PCNT: variants seen among roughly 807,000 people sequenced by gnomAD.
The protein encoded by PCNT is pericentrin.
A neutral mutation model predicts 380.4 loss-of-function variants in PCNT; 319 were observed. The ratio of observed to expected loss-of-function variants is 0.84; its 90% confidence interval spans 0.77 to 0.92. The LOEUF (loss-of-function observed/expected upper bound fraction) is 0.92. Ranked by LOEUF, PCNT falls within the 40% of genes least tolerant of loss-of-function variation. The probability of loss-of-function intolerance (pLI) is 0.00; values close to 1 mark genes in which losing one functional copy is unlikely to be tolerated. For synonymous variants in PCNT, 1,845 were observed against 1,735.2 expected (o/e 1.06, Z -1.57); for missense variants, 4,400 against 4,255.3 (o/e 1.03, Z -0.95).
chr21:46,413,123 C>T (rs1458657676), intron 29 of PCNT, 131 bp downstream of exon 29: 5 of 395,090 alleles, frequency 1.3e-5, no homozygotes, highest in Non-Finnish European at 1.8e-5. Context: ...GTGTGGGGAG[C>T]GGGGAAGGCA....
chr21:46,443,679 T>G, intron 44 of PCNT, 131 bp from the exon 45 acceptor site: 1 of 911,394 alleles, frequency 1.1e-6, no homozygotes, highest in Non-Finnish European at 1.8e-6. Context: ...CTTGAGCACT[T>G]TAAAAATGTC....
chr21:46,391,569 T>A (rs1043984054), intron 21 of PCNT, among the ~76,000 whole-genome samples, 193 bp downstream of exon 21: 1 of 152,190 alleles, frequency 6.6e-6, no homozygotes, highest in Non-Finnish European at 1.5e-5. Flanking sequence ...TTGCTGCCCT[T>A]TCAGAGAAGG....
intron 21 of PCNT, among the ~76,000 whole-genome samples, chr21:46,394,142 ACCGG>A (rs2086129071): frequency 6.6e-6 from 1 of 152,148 alleles, no homozygotes; most frequent in South Asian, 2.1e-4. Flanking sequence ...TGCGCCAGCT[ACCGG>A]CCCTGACCAC....
intron 13 of PCNT, among the ~76,000 whole-genome samples, chr21:46,363,198 G>C (rs1422914078): frequency 6.6e-6 from 1 of 152,196 alleles, no homozygotes; most frequent in Non-Finnish European, 1.5e-5. Flanking sequence ...GATGTGTGCT[G>C]CCTTCGGTTG....
At chr21:46,429,016 G>T (rs1028213003) in intron 35 of PCNT, among the ~76,000 whole-genome samples, 3 of 152,194 alleles carry the variant, frequency 2.0e-5, no homozygotes, top group African/African-American at 4.8e-5. Flanking sequence ...CAGCTGTGTG[G>T]GCAGATGCCA....
chr21:46,325,972 A>G (rs1601732760), intron 1 of PCNT, among the ~76,000 whole-genome samples: 2 of 152,218 alleles, frequency 1.3e-5, no homozygotes, highest in East Asian at 3.8e-4. Context: ...TGGCTGGGCT[A>G]TATATTTCTT....
rs781636707 is a variant in PCNT, at chr21:46,440,072, C to A, written c.9274-11C>A. The stretch of plus-strand genomic sequence containing the variant: ...AGCTCTGTAGACAGCGCTGGCTGTG[C>A]TTCCTTACAGAGGTCGGAAAGGTCT... On this transcript the variant is annotated splice_polypyrimidine_tract_variant and intron_variant, in intron 41 of 46. Transcript: ENST00000359568. 1 of 1,613,852 alleles carries A rather than the reference C, an allele frequency of 6.2e-7. No homozygotes were observed.
chr21:46,430,351 C>A, intron 36 of PCNT, 119 bp downstream of exon 36: 1 of 1,371,112 alleles, frequency 7.3e-7, no homozygotes, highest in Non-Finnish European at 1.0e-6. Context: ...CCCAGGGGCA[C>A]CGCGCCCTGC....
chr21:46,442,896 C>T (rs527593263), intron 44 of PCNT: 4 of 391,522 alleles, frequency 1.0e-5, no homozygotes, highest in African/African-American at 2.1e-5. Context: ...CACTTCACGT[C>T]TCTTTCCTTG....
chr21:46,364,030 C>G, intron 14 of PCNT, 96 bp downstream of exon 14: 1 of 1,137,168 alleles, frequency 8.8e-7, no homozygotes, highest in South Asian at 1.3e-5. Context: ...GCTGTGGGCT[C>G]CACTGGGCGA....
chr21:46,361,872 C>T (rs955623877), intron 13 of PCNT, among the ~76,000 whole-genome samples: 1 of 152,156 alleles, frequency 6.6e-6, no homozygotes, highest in Non-Finnish European at 1.5e-5. Context: ...TCCTTCTCTG[C>T]AGATTTTATG....
chr21:46,366,268 C>T (rs74786998), intron 14 of PCNT, among the ~76,000 whole-genome samples: 3 of 152,100 alleles, frequency 2.0e-5, no homozygotes, highest in South Asian at 2.1e-4. Context: ...TTGTGCCTGC[C>T]GTGCGTGGCT....
intron 15 of PCNT, among the ~76,000 whole-genome samples, chr21:46,371,861 A>G (rs1188940511): frequency 2.0e-5 from 3 of 149,028 alleles, no homozygotes; most frequent in East Asian, 2.0e-4. Context: ...TGCACACAGC[A>G]TGTGTGCACA....
chr21:46,391,055 C>CT, intron 20 of PCNT, 109 bp from the exon 21 acceptor site: 1 of 1,226,380 alleles, frequency 8.2e-7, no homozygotes, highest in African/African-American at 1.5e-5. Context: ...GCTGCTGGCT[C>CT]TTAGCTCTGC....
intron 22 of PCNT, 134 bp downstream of exon 22, chr21:46,397,628 C>A: frequency 1.3e-6 from 1 of 765,048 alleles, no homozygotes. Context: ...TGCACAGGTG[C>A]ACCCAGGTCG....
intron 2 of PCNT, among the ~76,000 whole-genome samples, chr21:46,331,800 A>G (rs1324246711): frequency 6.6e-6 from 1 of 152,136 alleles, no homozygotes; most frequent in Non-Finnish European, 1.5e-5. Context: ...AAGCAATGGT[A>G]GAAAGCAGAA....
At chr21:46,378,118 T>G (rs564069297) in intron 15 of PCNT, among the ~76,000 whole-genome samples, 28 of 152,194 alleles carry the variant, frequency 1.8e-4, no homozygotes, top group Non-Finnish European at 3.5e-4. Context: ...TTTTTCACTT[T>G]AATTTCCTTG....
chr21:46,391,438 T>A, intron 21 of PCNT, 62 bp downstream of exon 21: 1 of 1,352,428 alleles, frequency 7.4e-7, no homozygotes, highest in Non-Finnish European at 1.0e-6. Flanking sequence ...GCTGCCACGG[T>A]TTCCCCAGCT....
chr21:46,360,209 G>C (rs1309529500), intron 13 of PCNT, among the ~76,000 whole-genome samples: 1 of 126,838 alleles, frequency 7.9e-6, no homozygotes, highest in Non-Finnish European at 1.6e-5. Context: ...GCATATAGTT[G>C]GCAATTTTTT....
Sources: allele counts gnomAD v4.1 joint callset (sites outside exome capture counted in the v4.1 genomes callset), GRCh38; gene constraint gnomAD v4.1.1; transcripts MANE v1.5; gene names NCBI Gene and HGNC (gene_info 2026-07-23, HGNC 2026-07-21).